The following AGAP1 variants were observed in gnomAD, a reference collection of about 807,000 sequenced individuals.
AGAP1 encodes the protein ArfGAP with GTPase domain, ankyrin repeat and PH domain 1, also known as arf-GAP with GTPase, ANK repeat and PH domain-containing protein 1.
Under a neutral mutation model 105.3 loss-of-function variants are expected in AGAP1, and 29 were observed. The observed-to-expected ratio is 0.28, with a 90% confidence interval of 0.21 to 0.38. AGAP1 has a LOEUF of 0.38. Ranked by LOEUF, AGAP1 falls within the 10% of genes least tolerant of loss-of-function variation. AGAP1 has a pLI of 1.00. For synonymous variants in AGAP1, 509 were observed against 485.9 expected, an observed-to-expected ratio of 1.05 and a Z score of -0.63; for missense variants, 998 against 1,165.1, an observed-to-expected ratio of 0.86 and a Z score of 2.09.
intron 1 of AGAP1, among the ~76,000 whole-genome samples, chr2:235,671,424 G>T (rs1948418853): frequency 6.6e-6 from 1 of 152,184 alleles, no homozygotes; most frequent in Non-Finnish European, 1.5e-5. Flanking sequence ...AGGGAGCCGA[G>T]GCTCGCCGGT....
Position 236,002,216 on chromosome 2 carries a change from G to A in AGAP1, c.1645+33593G>A, listed in dbSNP as rs1559180354. Among the ~76,000 whole-genome samples the A allele has an allele frequency of 6.6e-6, 1 of 152,204 alleles. No individual in the cohort carries two copies. The highest frequency in any genetic ancestry group is 2.4e-5 in the African/African-American group (1 of 41,454). On this transcript the variant is annotated intron_variant, in intron 13 of 17. Coordinates refer to ENST00000304032, the MANE Select transcript of AGAP1 (RefSeq NM_001037131.3). The surrounding 1 kb of genome is among the most constrained non-coding windows in gnomAD (Gnocchi z 4.3). ...CGTTGAGAACATGTGTGGTAGGCAC[G>A]TGCTGGGCACTGAAAATAAACAGAC...
chr2:235,514,831 CG>C (rs1004658119), intron 1 of AGAP1, among the ~76,000 whole-genome samples: 25 of 152,174 alleles, frequency 1.6e-4, no homozygotes, highest in African/African-American at 5.8e-4. Context: ...ATGAGGGAGG[CG>C]GGATGGACTC....
rs1188714549 is a variant in AGAP1, at chr2:235,739,084, G to A, written c.311-1879G>A. ...TTCAAATAAGACTGGGTCGGGTACT[G>A]TTCAGGGTGCTTTGTGTCAACTTAT... On this transcript the variant is annotated intron_variant, in intron 3 of 17. Coordinates refer to ENST00000304032, the MANE Select transcript of AGAP1 (RefSeq NM_001037131.3). The surrounding 1 kb of genome is among the most constrained non-coding windows in gnomAD (Gnocchi z 5.3). 2.0e-5 allele frequency among the ~76,000 whole-genome samples: 3 copies of A among 152,224 alleles called. No individual in the cohort carries two copies. Among genetic ancestry groups the A allele is most frequent in the African/African-American group, 7.2e-5 (3 of 41,454 alleles).
intron 1 of AGAP1, among the ~76,000 whole-genome samples, chr2:235,650,230 G>A (rs1947536219): frequency 6.6e-6 from 1 of 152,064 alleles, no homozygotes; most frequent in South Asian, 2.1e-4. Context: ...GCATGGTGGT[G>A]CACGCTTGTA....
At chr2:235,589,326 C>T (rs2149207894) in intron 1 of AGAP1, among the ~76,000 whole-genome samples, 1 of 150,724 alleles carries the variant, frequency 6.6e-6, no homozygotes, top group Non-Finnish European at 1.5e-5. Context: ...CTGCCTCAGC[C>T]TCCCAAGTAC....
In AGAP1 at chr2:235,908,279, C is replaced by A. The variant is rs1467163888; in HGVS notation, c.1156-459C>A. ...TTGACCTTTTTACTTCCAGTTTTCACCTGATTTTTCACCAGAGAGCTTCAG... is the reference window on the plus strand; with the variant it reads ...TTGACCTTTTTACTTCCAGTTTTCAACTGATTTTTCACCAGAGAGCTTCAG... On this transcript the variant is annotated intron_variant, in intron 10 of 17. Transcript: ENST00000304032. This position sits in a 1 kb window ranked among gnomAD's most constrained non-coding sequence, Gnocchi z 4.4. Among the ~76,000 whole-genome samples the A allele has an allele frequency of 6.6e-6, 1 of 152,166 alleles. No individual in the cohort carries two copies. Among genetic ancestry groups the A allele is most frequent in the Non-Finnish European group, 1.5e-5 (1 of 68,020 alleles).
intron 9 of AGAP1, among the ~76,000 whole-genome samples, chr2:235,838,944 G>T (rs1243644825): frequency 6.6e-6 from 1 of 152,092 alleles, no homozygotes; most frequent in Non-Finnish European, 1.5e-5. Flanking sequence ...GTGAAATGTT[G>T]CCGCTCGGGA....
intron 13 of AGAP1, among the ~76,000 whole-genome samples, chr2:236,021,806 C>T (rs2056893363): frequency 6.6e-6 from 1 of 152,140 alleles, no homozygotes; most frequent in Non-Finnish European, 1.5e-5. Context: ...CACCTCTAAT[C>T]CCATCACTTT....
chr2:236,127,599 C>T lies in AGAP1; in HGVS notation c.*3477C>T, dbSNP rs1278445569. 1 of 152,232 alleles carries T rather than the reference C, an allele frequency of 6.6e-6. No homozygotes were observed. The highest frequency in any genetic ancestry group is 2.4e-5 in the African/African-American group (1 of 41,458). 9.4% of individuals were successfully genotyped at this position (152,232 alleles called of 1,614,324 possible). ...GGGCCTTGCATTGAAGCTCCCTCTT[C>T]TGAGATTTCACCCAGCCTGATGAGG... On this transcript the variant is annotated 3_prime_UTR_variant, in exon 18 of 18. Transcript: ENST00000304032. The surrounding 1 kb of genome is among the most constrained non-coding windows in gnomAD (Gnocchi z 6.6).
rs201863506 is a variant in AGAP1, at chr2:236,123,406, G to GA, written c.2371-506dup. ...CACAGTATAGTAATCAATAAAAAAT[G>GA]AAAAAAATACAAATTATTTGTACAG... On this transcript the variant is annotated intron_variant, in intron 17 of 17. Coordinates refer to ENST00000304032, the MANE Select transcript of AGAP1 (RefSeq NM_001037131.3). The surrounding 1 kb of genome is among the most constrained non-coding windows in gnomAD (Gnocchi z 4.6). Among the ~76,000 whole-genome samples the GA allele has an allele frequency of 0.016, 2,423 of 151,998 alleles. 62 individuals are homozygous for GA. Among genetic ancestry groups the GA allele is most frequent in the African/African-American group, 0.055 (2,269 of 41,482 alleles).
intron 1 of AGAP1, among the ~76,000 whole-genome samples, chr2:235,698,912 A>C (rs1950124917): frequency 6.6e-6 from 1 of 152,196 alleles, no homozygotes; most frequent in Non-Finnish European, 1.5e-5. Flanking sequence ...TGTAGTCAGC[A>C]TGTGAAAACC....
At chr2:236,037,327 A>G (rs1238497349) in intron 14 of AGAP1, 6 of 152,274 alleles carry the variant, frequency 3.9e-5, no homozygotes, top group Admixed American at 2.6e-4. Flanking sequence ...AAATGTTTCT[A>G]TATTAAAAAA....
chr2:235,969,113 G>C (rs1232661474), intron 13 of AGAP1, among the ~76,000 whole-genome samples: 1 of 152,206 alleles, frequency 6.6e-6, no homozygotes, highest in African/African-American at 2.4e-5. Flanking sequence ...ATGTCCATCA[G>C]CTCTTTCTGG....
chr2:235,638,415 G>A (rs140065811), intron 1 of AGAP1, among the ~76,000 whole-genome samples: 41 of 152,302 alleles, frequency 2.7e-4, no homozygotes, highest in Admixed American at 1.1e-3. Context: ...GACTGAAGTC[G>A]TGGGGAAAAC....
intron 7 of AGAP1, 49 bp downstream of exon 7, chr2:235,797,935 T>C: frequency 6.3e-7 from 1 of 1,598,768 alleles, no homozygotes; most frequent in Non-Finnish European, 8.5e-7. Flanking sequence ...AAAGACAATA[T>C]GCAAATAGTG....
chr2:235,853,036 C>A, intron 9 of AGAP1: 1 of 1,243,494 alleles, frequency 8.0e-7, no homozygotes, highest in Non-Finnish European at 1.0e-6. Context: ...CAAAAGACCC[C>A]TTAATTTCTA....
chr2:236,112,010 G>T (rs914451736), intron 16 of AGAP1, among the ~76,000 whole-genome samples: 2 of 152,150 alleles, frequency 1.3e-5, no homozygotes, highest in African/African-American at 2.4e-5. Context: ...CTCCCACGTG[G>T]TCTTCCCTCG....
At chr2:235,500,294 A>T (rs1267015426) in intron 1 of AGAP1, among the ~76,000 whole-genome samples, 1 of 151,544 alleles carries the variant, frequency 6.6e-6, no homozygotes, top group Non-Finnish European at 1.5e-5. Context: ...AGCAAACGTG[A>T]GTGTGTGTCA....
rs2057136370 is a variant in AGAP1, at chr2:236,028,916, A to T, written c.1646-7645A>T. The stretch of plus-strand genomic sequence containing the variant: ...CCTCGTTGGCTAAGGAGTTTTAATC[A>T]TGCTTCTTTCTCTTATTGATTTTTT... On this transcript the variant is annotated intron_variant, in intron 13 of 17. Transcript: ENST00000304032. Among the ~76,000 whole-genome samples, 3 of 152,172 alleles carry T rather than the reference A, an allele frequency of 2.0e-5. No homozygotes were observed. The South Asian group carries it at 6.2e-4, about 32-fold the overall frequency.
Sources: allele counts gnomAD v4.1 joint callset (sites outside exome capture counted in the v4.1 genomes callset), GRCh38; gene constraint gnomAD v4.1.1; non-coding constraint Gnocchi (gnomAD v3.1); transcripts MANE v1.5; gene names NCBI Gene and HGNC (gene_info 2026-07-23, HGNC 2026-07-21).